Variants in DAPK2 observed in about 807,000 individuals in gnomAD.
The protein encoded by DAPK2 is death associated protein kinase 2.
A neutral mutation model predicts 44.1 loss-of-function variants in DAPK2; 35 were observed. That is an observed-to-expected ratio of 0.79 (90% CI 0.61 to 1.05). The LOEUF is 1.05. Among genes scored for constraint, DAPK2 ranks in the 50% least tolerant of loss-of-function variants. The probability of loss-of-function intolerance (pLI) is 0.00; values close to 1 mark genes in which losing one functional copy is unlikely to be tolerated. For synonymous variants in DAPK2, 174 were observed against 182.6 expected, an observed-to-expected ratio of 0.95 and a Z score of 0.38; for missense variants, 453 against 483.2, an observed-to-expected ratio of 0.94 and a Z score of 0.59.
At chr15:64,025,915 T>C (rs2079827940) in intron 1 of DAPK2, among the ~76,000 whole-genome samples, 1 of 152,250 alleles carries the variant, frequency 6.6e-6, no homozygotes. Flanking sequence ...ATCAAATTGA[T>C]TGGAAACATT....
intron 1 of DAPK2, among the ~76,000 whole-genome samples, chr15:64,036,334 T>TATATATATATAC (rs1555484562): frequency 1.6e-5 from 2 of 125,710 alleles, no homozygotes; most frequent in Non-Finnish European, 3.3e-5. Flanking sequence ...TATATATATA[T>TATATATATATAC]ATACATATAT....
chr15:63,971,534 G>T, exon 3 of DAPK2: 2 of 1,614,182 alleles, frequency 1.2e-6, no homozygotes, highest in Non-Finnish European at 1.7e-6. Flanking sequence ...TCTGGGCCAG[G>T]AAATCGAAGA....
chr15:63,910,254 T>C (rs1424168719), intron 10 of DAPK2, among the ~76,000 whole-genome samples: 1 of 152,212 alleles, frequency 6.6e-6, no homozygotes, highest in East Asian at 1.9e-4. Flanking sequence ...CCTCAAGTGC[T>C]GGCAAGAGAT....
At chr15:63,988,507 C>CTT (rs758617949) in intron 1 of DAPK2, among the ~76,000 whole-genome samples, 3 of 141,982 alleles carry the variant, frequency 2.1e-5, no homozygotes, top group Admixed American at 7.1e-5. Flanking sequence ...CCAGCTTTTC[C>CTT]TTTTTTTTTT....
In DAPK2 at chr15:63,912,195, C is replaced by G. The variant is rs149186606; in HGVS notation, c.861G>C (p.Pro287=). The G allele has an allele frequency of 3.1e-6, 5 of 1,614,018 alleles. No homozygotes were observed. Among genetic ancestry groups the G allele is most frequent in the South Asian group, 1.1e-5 (1 of 91,070 alleles). ...GCACCATGGCTTGCTGGTTGTCCACCGGCTGAGAGACAAAGCAGAGCATGG... is the reference window on the plus strand; with the variant it reads ...GCACCATGGCTTGCTGGTTGTCCACGGGCTGAGAGACAAAGCAGAGCATGG... Residue 287 remains proline, a splice_region_variant and synonymous_variant, in exon 9 of 11, where the codon CCG becomes CCC. Coordinates refer to ENST00000261891, the Ensembl canonical transcript of DAPK2. This position sits in a 1 kb window ranked among gnomAD's most constrained non-coding sequence, Gnocchi z 4.4.
At chr15:63,967,754 A>T (rs1433417364) in intron 3 of DAPK2, among the ~76,000 whole-genome samples, 1 of 152,240 alleles carries the variant, frequency 6.6e-6, no homozygotes, top group African/African-American at 2.4e-5. Flanking sequence ...TGTGGTGAGC[A>T]GGGACAGAGC....
intron 8 of DAPK2, chr15:63,918,378 C>T (rs149271643): frequency 6.6e-6 from 1 of 152,414 alleles, no homozygotes; most frequent in East Asian, 1.9e-4. Flanking sequence ...CACAGTCAGG[C>T]AATGCTAGGC....
At chr15:63,977,317 C>G (rs1180262672) in intron 2 of DAPK2, among the ~76,000 whole-genome samples, 2 of 152,158 alleles carry the variant, frequency 1.3e-5, no homozygotes, top group Non-Finnish European at 1.5e-5. Flanking sequence ...CACTCTGACC[C>G]TTGCCCCCAC....
At chr15:64,015,481 C>T (rs1442327459) in intron 1 of DAPK2, among the ~76,000 whole-genome samples, 1 of 152,164 alleles carries the variant, frequency 6.6e-6, no homozygotes, top group African/African-American at 2.4e-5. Flanking sequence ...TCTCATGCAA[C>T]TCCAAGAAGA....
chr15:63,936,358 C>T (rs1310194726), intron 4 of DAPK2, among the ~76,000 whole-genome samples: 2 of 152,342 alleles, frequency 1.3e-5, no homozygotes, highest in Admixed American at 1.3e-4. Context: ...CGTCGGTAAT[C>T]CCAGCACTTT....
chr15:64,019,068 T>C (rs1459989513), intron 1 of DAPK2, among the ~76,000 whole-genome samples: 2 of 152,156 alleles, frequency 1.3e-5, no homozygotes, highest in African/African-American at 4.8e-5. Context: ...GTAATTATTA[T>C]TATAACGCCA....
rs545685991 is a variant in DAPK2 at position 63,979,898 on chromosome 15, G to C, written c.314+3635C>G. ...CCACTGCACTCCAGCCTGGGTGACAGAGCAAGACTCCATCTCAAAAAACAA... is the reference window on the plus strand; with the variant it reads ...CCACTGCACTCCAGCCTGGGTGACACAGCAAGACTCCATCTCAAAAAACAA... On this transcript the variant is annotated intron_variant, in intron 2 of 10. Coordinates refer to ENST00000261891, the Ensembl canonical transcript of DAPK2. Among the ~76,000 whole-genome samples the C allele has an allele frequency of 3.3e-5, 5 of 152,146 alleles. No individual in the cohort carries two copies. In the South Asian group the frequency reaches 6.2e-4, roughly 19 times the overall value.
At chr15:63,999,439 C>T (rs2140954646) in intron 1 of DAPK2, among the ~76,000 whole-genome samples, 1 of 152,270 alleles carries the variant, frequency 6.6e-6, no homozygotes, top group African/African-American at 2.4e-5. Flanking sequence ...ACTAAGGAAA[C>T]ACTCACAGCA....
chr15:64,041,667 C>G (rs1275888792), upstream of DAPK2, among the ~76,000 whole-genome samples: 1 of 152,212 alleles, frequency 6.6e-6, no homozygotes, highest in African/African-American at 2.4e-5. Flanking sequence ...ATGGGCTCCA[C>G]GAACCCCAAA....
At chr15:63,983,076 C>A (rs978885672) in intron 2 of DAPK2, among the ~76,000 whole-genome samples, 1 of 152,172 alleles carries the variant, frequency 6.6e-6, no homozygotes, top group African/African-American at 2.4e-5. Context: ...GGACTTTCCC[C>A]AGGAAAGGGC....
intron 3 of DAPK2, among the ~76,000 whole-genome samples, chr15:63,952,427 G>A (rs1217842425): frequency 6.6e-6 from 1 of 152,166 alleles, no homozygotes; most frequent in Non-Finnish European, 1.5e-5. Context: ...CATCTGGGAT[G>A]AGAATAGCAC....
intron 3 of DAPK2, among the ~76,000 whole-genome samples, chr15:63,959,784 G>A (rs574144900): frequency 1.3e-5 from 2 of 152,242 alleles, no homozygotes; most frequent in African/African-American, 2.4e-5. Context: ...GTTTTGCATC[G>A]ATGTTCATTG....
chr15:64,029,844 G>A (rs2079960884), intron 1 of DAPK2: 1 of 152,324 alleles, frequency 6.6e-6, no homozygotes, highest in Admixed American at 6.5e-5. Flanking sequence ...AGGCTTTCTT[G>A]CTTTTAACCA....
At chr15:63,914,167 A>G (rs969788781) in intron 8 of DAPK2, among the ~76,000 whole-genome samples, 1 of 150,206 alleles carries the variant, frequency 6.7e-6, no homozygotes, top group African/African-American at 2.4e-5. Flanking sequence ...AAAGGGTGTC[A>G]GGGCACAAAG....
Sources: gnomAD v4.1 joint callset for allele counts (sites outside exome capture counted in the v4.1 genomes callset) on GRCh38, gnomAD v4.1.1 for gene constraint, Gnocchi (gnomAD v3.1) non-coding constraint, MANE v1.5 for transcripts, NCBI Gene and HGNC (gene_info 2026-07-23, HGNC 2026-07-21) for gene names.